SYNE1: variants seen among roughly 807,000 people sequenced by gnomAD.
The protein encoded by SYNE1 is nesprin-1.
SYNE1 carries 616 observed loss-of-function variants against 1,111.0 expected under a neutral mutation model. The ratio of observed to expected loss-of-function variants is 0.55; its 90% CI spans 0.52 to 0.59. The LOEUF (loss-of-function observed/expected upper bound fraction) is 0.59, where lower values mean the gene tolerates loss of function less well. Among genes scored for constraint, SYNE1 ranks in the 20% least tolerant of loss-of-function variants. The pLI is 0.00. For synonymous variants in SYNE1, 3,855 were observed against 3,825.8 expected (o/e 1.01, Z -0.28); for missense variants, 10,006 against 10,417.0 (o/e 0.96, Z 1.72).
At chr6:152,445,137 TTA>T (rs772834206) in intron 29 of SYNE1, among the ~76,000 whole-genome samples, 8 of 150,558 alleles carry the variant, frequency 5.3e-5, no homozygotes, top group Admixed American at 1.3e-4. Flanking sequence ...ACTGCATATA[TTA>T]TATATATATA....
intron 82 of SYNE1, among the ~76,000 whole-genome samples, chr6:152,322,397 AAG>A (rs2095892840): frequency 6.6e-6 from 1 of 152,228 alleles, no homozygotes; most frequent in Non-Finnish European, 1.5e-5. Context: ...CTATAAGGGA[AAG>A]AGGTGAAATG....
intron 3 of SYNE1, among the ~76,000 whole-genome samples, chr6:152,614,140 T>C (rs191273766): frequency 6.6e-6 from 1 of 152,034 alleles, no homozygotes; most frequent in East Asian, 1.9e-4. Flanking sequence ...ACAAATGGGA[T>C]CTAATTAAAC....
intron 64 of SYNE1, among the ~76,000 whole-genome samples, chr6:152,360,450 T>C (rs2096913206): frequency 1.3e-5 from 2 of 152,218 alleles, no homozygotes; most frequent in Admixed American, 6.5e-5. Context: ...ACTATATGTC[T>C]GCTGTTTCAG....
At chr6:152,181,199 G>A (rs1329219620) in intron 128 of SYNE1, among the ~76,000 whole-genome samples, 1 of 74,546 alleles carries the variant, frequency 1.3e-5, no homozygotes, top group African/African-American at 5.2e-5. Flanking sequence ...ATCACTAGAG[G>A]TCAGGAGTTC....
At chr6:152,316,600 G>A in intron 87 of SYNE1, 1 of 510,944 alleles carries the variant, frequency 2.0e-6, no homozygotes, top group Non-Finnish European at 3.5e-6. Context: ...CTACAAGGCT[G>A]ATTGGTTTGG....
chr6:152,314,066 C>T (rs2095636087), intron 87 of SYNE1, among the ~76,000 whole-genome samples: 1 of 152,174 alleles, frequency 6.6e-6, no homozygotes, highest in Non-Finnish European at 1.5e-5. Flanking sequence ...TCCTAATCTC[C>T]AAAGAGAGGC....
chr6:152,259,326 T>C (rs748960436), intron 101 of SYNE1, among the ~76,000 whole-genome samples: 7 of 152,172 alleles, frequency 4.6e-5, no homozygotes, highest in Non-Finnish European at 1.0e-4. Context: ...TTATAGGTTC[T>C]CAGAAGCAGG....
intron 104 of SYNE1, among the ~76,000 whole-genome samples, chr6:152,253,827 T>TTTTG (rs2090090925): frequency 3.5e-5 from 2 of 57,566 alleles, no homozygotes; most frequent in East Asian, 1.3e-3. Flanking sequence ...GGTTTTTTTT[T>TTTTG]TTTTTTTTTT....
At chr6:152,361,846 A>T (rs1003917486) in intron 64 of SYNE1, among the ~76,000 whole-genome samples, 5 of 18,624 alleles carry the variant, frequency 2.7e-4, no homozygotes, top group African/African-American at 6.5e-4. Context: ...GGGATGTGAT[A>T]AAAAAAAAAA....
intron 51 of SYNE1, among the ~76,000 whole-genome samples, chr6:152,395,060 G>A (rs1161212326): frequency 1.3e-5 from 2 of 151,804 alleles, no homozygotes; most frequent in East Asian, 3.9e-4. Flanking sequence ...TGGGATTATA[G>A]GCGTGAGCCA....
rs200796273 is a variant in SYNE1 at position 152,321,307 on chromosome 6, A to G, written c.16167T>C (p.Tyr5389=). Reference sequence around the variant, plus strand: ...GGGAGAGTTCAGAAGGTAATATGGTATAAAGACCTAAGTACTTCTCCTTCT... The same window carrying G: ...GGGAGAGTTCAGAAGGTAATATGGTGTAAAGACCTAAGTACTTCTCCTTCT... ...EEQKEKYLGL[Y]TILPSELSLQ... The change falls in exon 84 of 146, where the codon TAT becomes TAC. Residue 5389 remains tyrosine, a synonymous_variant. Transcript: ENST00000367255. 13 of 1,613,838 alleles carry G rather than the reference A, an allele frequency of 8.1e-6. No individual in the cohort carries two copies. The highest frequency in any genetic ancestry group is 6.7e-5 in the Admixed American group (4 of 60,000).
At position 152,336,902 on chromosome 6, in the gene SYNE1, A is replaced by G. The variant is rs1590377255; in HGVS notation, c.12467T>C (p.Met4156Thr). Residue 4156 changes from methionine to threonine, a missense_variant, in exon 76 of 146, where the codon ATG becomes ACG. By Grantham distance (81) the Met-to-Thr change is moderately conservative. This residue lies in a region of SYNE1 where 4,955 missense variants were observed against 5,017.2 expected (regional missense o/e 0.99). Transcript: ENST00000367255. Reference sequence around the variant, plus strand: ...CTCCAGCTCAGAGTGCCTCCTCTTCATGTTCTGCAGTTGCTGATCAGCATC... The same window carrying G: ...CTCCAGCTCAGAGTGCCTCCTCTTCGTGTTCTGCAGTTGCTGATCAGCATC... ...LQDADQQLQN[M>T]KRRHSELELN... 6.2e-7 allele frequency: 1 copy of G among 1,614,122 alleles called. No individual in the cohort carries two copies. The highest frequency in any genetic ancestry group is 2.2e-5 in the East Asian group (1 of 44,884).
chr6:152,439,532 T>A (rs1195993594), intron 32 of SYNE1, among the ~76,000 whole-genome samples: 2 of 152,160 alleles, frequency 1.3e-5, no homozygotes, highest in African/African-American at 2.4e-5. Context: ...CCCGGCCAAA[T>A]AATTTAAATT....
At chr6:152,272,347 T>C (rs761637737) in intron 98 of SYNE1, among the ~76,000 whole-genome samples, 3 of 152,180 alleles carry the variant, frequency 2.0e-5, no homozygotes, top group Non-Finnish European at 2.9e-5. Context: ...GCGGTTTCTG[T>C]CACCAGTCCC....
At position 152,136,613 on chromosome 6, in the gene SYNE1, C is replaced by G; in HGVS notation, c.25659+5G>C. ...GAGTCACCTCCTGCCCAAAGCTCTA[C>G]AGACCTGGCACTGCATCAGGGCATC... On this transcript the variant is annotated splice_donor_5th_base_variant and intron_variant, in intron 141 of 145. Transcript: ENST00000367255. The G allele has an allele frequency of 6.2e-7, 1 of 1,613,120 alleles. No homozygotes were observed. The highest frequency in any genetic ancestry group is 8.5e-7 in the Non-Finnish European group (1 of 1,180,028).
chr6:152,485,418 A>C (rs2098933932), intron 12 of SYNE1, among the ~76,000 whole-genome samples: 1 of 152,240 alleles, frequency 6.6e-6, no homozygotes, highest in Non-Finnish European at 1.5e-5. Context: ...TTACAAATAG[A>C]AATTGCATAT....
Position 152,213,595 on chromosome 6 carries a change from C to G in SYNE1, c.22494+17G>C, listed in dbSNP as rs1384225907. 6.2e-7 allele frequency: 1 copy of G among 1,613,974 alleles called. No homozygotes were observed. Among genetic ancestry groups the G allele is most frequent in the Non-Finnish European group, 8.5e-7 (1 of 1,179,924 alleles). On this transcript the variant is annotated intron_variant, in intron 123 of 145. Coordinates refer to ENST00000367255, the MANE Select transcript of SYNE1 (RefSeq NM_182961.4). ...TAAAAATTTCTTATTACCCCCAAATCTACTGATACAACTTACCTCGTGTGC... is the reference window on the plus strand; with the variant it reads ...TAAAAATTTCTTATTACCCCCAAATGTACTGATACAACTTACCTCGTGTGC...
At chr6:152,516,256 T>C (rs2099111183) in intron 6 of SYNE1, among the ~76,000 whole-genome samples, 1 of 152,196 alleles carries the variant, frequency 6.6e-6, no homozygotes, top group Non-Finnish European at 1.5e-5. Flanking sequence ...TTTAAAAAGA[T>C]TAAGAGACTT....
chr6:152,391,668 G>A, intron 51 of SYNE1, 100 bp from the exon 52 acceptor site: 1 of 1,366,942 alleles, frequency 7.3e-7, no homozygotes, highest in Non-Finnish European at 9.8e-7. Flanking sequence ...GCAGTAACCA[G>A]ACACAGGCTC....
Sources: gnomAD v4.1 joint callset for allele counts (sites outside exome capture counted in the v4.1 genomes callset) on GRCh38, gnomAD v4.1.1 for gene constraint, gnomAD v4.1.1 regional missense constraint, MANE v1.5 for transcripts, NCBI Gene and HGNC (gene_info 2026-07-23, HGNC 2026-07-21) for gene names.